FER1L6: variants seen among roughly 807,000 people sequenced by gnomAD.
FER1L6 encodes the protein fer-1 like family member 6, also known as fer-1-like protein 6.
Under a neutral mutation model 219.2 loss-of-function variants are expected in FER1L6, and 177 were observed. That is an observed-to-expected ratio of 0.81 (90% CI 0.71 to 0.91). The LOEUF is 0.91. Among genes scored for constraint, FER1L6 ranks in the 40% least tolerant of loss-of-function variants. The pLI, the probability that FER1L6 is intolerant of heterozygous loss-of-function variation, is 0.00. For missense variants in FER1L6, 2,153 were observed against 2,259.9 expected, an observed-to-expected ratio of 0.95 and a Z score of 0.96; for synonymous variants, 768 against 824.3, an observed-to-expected ratio of 0.93 and a Z score of 1.17.
intron 10 of FER1L6, among the ~76,000 whole-genome samples, chr8:123,979,364 G>A (rs1413145009): frequency 6.6e-6 from 1 of 152,084 alleles, no homozygotes; most frequent in African/African-American, 2.4e-5. Context: ...GGATTAGCTG[G>A]GGCTCAAAAT....
Position 123,973,278 on chromosome 8 carries a change from A to G in FER1L6, c.448-156A>G, listed in dbSNP as rs115366356. Reference sequence around the variant, plus strand: ...AGCTAAAATCCTGCTAAGAGCAAGAAATGAAGGTGTTGAGGGGCTTCTGGA... The same window carrying G: ...AGCTAAAATCCTGCTAAGAGCAAGAGATGAAGGTGTTGAGGGGCTTCTGGA... On this transcript the variant is annotated intron_variant, in intron 6 of 40. Coordinates refer to ENST00000522917, the MANE Select transcript of FER1L6 (RefSeq NM_001039112.2). 3.7e-3 allele frequency among the ~76,000 whole-genome samples: 566 copies of G among 152,264 alleles called. 4 individuals are homozygous for G. The highest frequency in any genetic ancestry group is 0.013 in the African/African-American group (539 of 41,534).
intron 38 of FER1L6, 151 bp downstream of exon 38, chr8:124,101,489 G>T: frequency 1.5e-6 from 1 of 668,720 alleles, no homozygotes; most frequent in Non-Finnish European, 2.5e-6. Context: ...CCATTAATAG[G>T]GAATGGTTAA....
intron 1 of FER1L6, among the ~76,000 whole-genome samples, chr8:123,952,550 G>T (rs141547929): frequency 4.2e-4 from 64 of 152,286 alleles, no homozygotes; most frequent in African/African-American, 1.5e-3. Context: ...AAACCAGAAA[G>T]CCCTATACTT....
chr8:123,916,694 G>T (rs1369333941), intron 1 of FER1L6, among the ~76,000 whole-genome samples: 3 of 152,106 alleles, frequency 2.0e-5, no homozygotes, highest in Admixed American at 2.0e-4. Flanking sequence ...TCCAACCATG[G>T]TGCATTTGGA....
chr8:124,042,488 T>C (rs1302698109), intron 20 of FER1L6, among the ~76,000 whole-genome samples: 1 of 152,236 alleles, frequency 6.6e-6, no homozygotes, highest in Non-Finnish European at 1.5e-5. Flanking sequence ...TCGGAAGCGA[T>C]ATAGCTAGAA....
chr8:123,929,211 T>G (rs938229941), intron 1 of FER1L6, among the ~76,000 whole-genome samples: 1 of 152,226 alleles, frequency 6.6e-6, no homozygotes, highest in African/African-American at 2.4e-5. Flanking sequence ...TTAACACGTT[T>G]TATTGAGTGG....
chr8:123,889,477 T>C (rs1812600568), intron 1 of FER1L6, among the ~76,000 whole-genome samples: 1 of 152,170 alleles, frequency 6.6e-6, no homozygotes, highest in East Asian at 1.9e-4. Context: ...TTCTCATCCA[T>C]AAAATGCTAA....
intron 1 of FER1L6, among the ~76,000 whole-genome samples, chr8:123,903,641 A>G (rs1416005886): frequency 6.6e-6 from 1 of 152,188 alleles, no homozygotes; most frequent in Non-Finnish European, 1.5e-5. Flanking sequence ...TAAATGGGAA[A>G]TGATCATCTA....
In FER1L6 at chr8:123,907,745, C is replaced by T. The variant is rs572006433; in HGVS notation, c.-7-48247C>T. 3.4e-5 allele frequency among the ~76,000 whole-genome samples: 5 copies of T among 147,806 alleles called. No homozygotes were observed. The South Asian group carries it at 1.1e-3, about 32-fold the overall frequency. On this transcript the variant is annotated intron_variant, in intron 1 of 40. Transcript: ENST00000522917. ...CTCTCTGGGTTTTAACCATATTCTT[C>T]TTATTCTGGGGAGTAGCAATCCCAA...
At chr8:123,891,284 G>C (rs1203382753) in intron 1 of FER1L6, among the ~76,000 whole-genome samples, 1 of 152,172 alleles carries the variant, frequency 6.6e-6, no homozygotes, top group Non-Finnish European at 1.5e-5. Context: ...AATGTGCGAT[G>C]ATATTCTTTT....
At chr8:123,926,131 T>C (rs1210046412) in intron 1 of FER1L6, among the ~76,000 whole-genome samples, 2 of 152,152 alleles carry the variant, frequency 1.3e-5, no homozygotes, top group African/African-American at 2.4e-5. Flanking sequence ...GGACTAGATA[T>C]TCAAATTTGG....
At chr8:124,118,790 T>C (rs1305386778) in intron 39 of FER1L6, 54 bp from the exon 40 acceptor site, 4 of 1,494,788 alleles carry the variant, frequency 2.7e-6, no homozygotes, top group Non-Finnish European at 3.7e-6. Flanking sequence ...AAGGTTGCCA[T>C]TGGCTCAGTG....
At chr8:123,993,485 A>C (rs1272268786) in intron 12 of FER1L6, among the ~76,000 whole-genome samples, 1 of 151,982 alleles carries the variant, frequency 6.6e-6, no homozygotes, top group Admixed American at 6.5e-5. Context: ...CCAAGACCAA[A>C]TGTTTATTTG....
intron 32 of FER1L6, among the ~76,000 whole-genome samples, 169 bp from the exon 33 acceptor site, chr8:124,082,119 T>C (rs892144599): frequency 1.3e-5 from 2 of 152,164 alleles, no homozygotes; most frequent in African/African-American, 2.4e-5. Flanking sequence ...GAAAATTGTT[T>C]GTACTGCAAT....
chr8:123,974,858 T>C (rs993093658), intron 7 of FER1L6, among the ~76,000 whole-genome samples: 1 of 151,968 alleles, frequency 6.6e-6, no homozygotes, highest in African/African-American at 2.4e-5. Flanking sequence ...ACTTCATTAA[T>C]GTCCCCCTAT....
intron 33 of FER1L6, among the ~76,000 whole-genome samples, chr8:124,088,126 C>T (rs562354435): frequency 1.3e-5 from 2 of 152,242 alleles, no homozygotes; most frequent in South Asian, 2.1e-4. Context: ...TTCTGTCCTT[C>T]CCCCCAGGCC....
chr8:124,010,030 A>T (rs1817846672), intron 13 of FER1L6, among the ~76,000 whole-genome samples: 1 of 151,964 alleles, frequency 6.6e-6, no homozygotes, highest in Non-Finnish European at 1.5e-5. Context: ...TTCTAGTTTG[A>T]GGGTCGTGGA....
chr8:123,881,912 G>T (rs1284314153), intron 1 of FER1L6, among the ~76,000 whole-genome samples: 9 of 152,272 alleles, frequency 5.9e-5, no homozygotes. Context: ...AGAATTTAGG[G>T]GCTGAGCTGC....
chr8:124,119,492 G>T, intron 40 of FER1L6, 115 bp from the exon 41 acceptor site: 1 of 706,948 alleles, frequency 1.4e-6, no homozygotes, highest in South Asian at 1.8e-5. Context: ...CCCATTTTCA[G>T]GGCTCTCCCT....
Sources: allele counts gnomAD v4.1 joint callset (sites outside exome capture counted in the v4.1 genomes callset), GRCh38; gene constraint gnomAD v4.1.1; transcripts MANE v1.5; gene names NCBI Gene and HGNC (gene_info 2026-07-23, HGNC 2026-07-21).